CCDC171: variants seen among roughly 807,000 people sequenced by gnomAD.
The protein encoded by CCDC171 is coiled-coil domain-containing protein 171.
A neutral mutation model predicts 168.2 loss-of-function variants in CCDC171; 177 were observed. The observed-to-expected ratio is 1.05, with a 90% CI of 0.93 to 1.19. The LOEUF (loss-of-function observed/expected upper bound fraction) is 1.19. Among genes scored for constraint, CCDC171 ranks in the 50% most tolerant of loss-of-function variants. CCDC171 has a pLI of 0.00. For synonymous variants in CCDC171, 687 were observed against 540.8 expected (o/e 1.27, Z -3.75); for missense variants, 1,991 against 1,539.0 (o/e 1.29, Z -4.91).
intron 3 of CCDC171, among the ~76,000 whole-genome samples, chr9:15,574,406 GTAC>G (rs1036968976): frequency 1.3e-5 from 2 of 152,026 alleles, no homozygotes; most frequent in Middle Eastern, 3.2e-3. Flanking sequence ...GCCTCCCAAA[GTAC>G]TGGGATTATA....
chr9:15,688,746 T>G (rs968497962), intron 10 of CCDC171, among the ~76,000 whole-genome samples: 1 of 152,170 alleles, frequency 6.6e-6, no homozygotes, highest in Non-Finnish European at 1.5e-5. Context: ...CATCTGACAT[T>G]ACATTTAATG....
intron 7 of CCDC171, among the ~76,000 whole-genome samples, chr9:15,649,439 G>A (rs977641541): frequency 7.9e-5 from 12 of 152,036 alleles, no homozygotes; most frequent in African/African-American, 2.2e-4. Flanking sequence ...AGCAAAAGAA[G>A]CTACCATCAG....
intron 6 of CCDC171, among the ~76,000 whole-genome samples, chr9:15,621,920 T>C (rs993573898): frequency 5.9e-5 from 9 of 152,350 alleles, no homozygotes; most frequent in Admixed American, 5.2e-4. Context: ...GAAAATGTGA[T>C]ATATATACAT....
chr9:15,864,130 CT>C (rs2061671233), intron 23 of CCDC171, among the ~76,000 whole-genome samples: 1 of 151,884 alleles, frequency 6.6e-6, no homozygotes, highest in South Asian at 2.1e-4. Context: ...TTCTCGAGTT[CT>C]GAAAAAAGCT....
In CCDC171 at chr9:15,615,144, G is replaced by A. The variant is rs567954076; in HGVS notation, c.676-8123G>A. On this transcript the variant is annotated intron_variant, in intron 6 of 25. Coordinates refer to ENST00000380701, the MANE Select transcript of CCDC171 (RefSeq NM_173550.4). ...TATACAAAATATTAGCTAACCAAAT[G>A]TAGCAAGATTTTAAAAAGATAAAAT... Among the ~76,000 whole-genome samples the A allele has an allele frequency of 1.4e-3, 206 of 152,178 alleles. 2 individuals are homozygous for A. The highest frequency in any genetic ancestry group is 2.3e-3 in the Non-Finnish European group (157 of 67,970).
intron 21 of CCDC171, among the ~76,000 whole-genome samples, chr9:15,798,422 CT>C (rs1297396679): frequency 1.3e-5 from 2 of 151,358 alleles, no homozygotes; most frequent in African/African-American, 2.4e-5. Context: ...TTATTATTTC[CT>C]TTTTTTTAGT....
chr9:15,635,097 G>T (rs556999178), intron 7 of CCDC171, among the ~76,000 whole-genome samples: 15 of 152,200 alleles, frequency 9.9e-5, no homozygotes, highest in African/African-American at 3.4e-4. Context: ...AGAACTAATA[G>T]TATATATGTA....
chr9:15,822,662 G>A (rs200917786), intron 21 of CCDC171, among the ~76,000 whole-genome samples: 31 of 152,160 alleles, frequency 2.0e-4, no homozygotes, highest in African/African-American at 3.9e-4. Context: ...TTAGAATGGC[G>A]ATCATTAAAA....
intron 18 of CCDC171, among the ~76,000 whole-genome samples, chr9:15,748,919 A>C (rs2055500564): frequency 6.6e-6 from 1 of 152,210 alleles, no homozygotes; most frequent in Non-Finnish European, 1.5e-5. Context: ...TAACGGGCAA[A>C]ATAACCAGCT....
intron 6 of CCDC171, among the ~76,000 whole-genome samples, chr9:15,613,735 G>T (rs1265666862): frequency 6.6e-6 from 1 of 151,992 alleles, no homozygotes; most frequent in African/African-American, 2.4e-5. Flanking sequence ...ATGTTGGCCA[G>T]GCTGGTCTTG....
intron 22 of CCDC171, among the ~76,000 whole-genome samples, chr9:15,847,416 T>C (rs1378458615): frequency 6.6e-6 from 1 of 152,120 alleles, no homozygotes; most frequent in Non-Finnish European, 1.5e-5. Context: ...GACCACTATG[T>C]AAATGTGATG....
chr9:15,860,303 A>G (rs1255897247), intron 23 of CCDC171, among the ~76,000 whole-genome samples: 1 of 150,768 alleles, frequency 6.6e-6, no homozygotes, highest in Non-Finnish European at 1.5e-5. Flanking sequence ...TCCTTCTGCT[A>G]ATTTTGGGTT....
chr9:16,043,603 T>C lies in CCDC171; in HGVS notation n.89+717T>C, dbSNP rs1055446519. On this transcript the variant is annotated intron_variant and non_coding_transcript_variant, in intron 1 of 1. Coordinates refer to the CCDC171 transcript ENST00000478913. ...GGCTCAGCACCAAAAGGGCCACATT[T>C]ACCTGTGCCACTTCAAAGACCAAAG... 2.0e-5 allele frequency among the ~76,000 whole-genome samples: 3 copies of C among 152,200 alleles called. No homozygotes were observed. The South Asian group carries it at 6.2e-4, about 32-fold the overall frequency.
chr9:15,655,851 A>G (rs1587772045), intron 7 of CCDC171, among the ~76,000 whole-genome samples: 1 of 152,220 alleles, frequency 6.6e-6, no homozygotes, highest in Non-Finnish European at 1.5e-5. Flanking sequence ...ATTAAAACTA[A>G]AATGAGATAA....
At chr9:15,819,242 C>T (rs2059674147) in intron 21 of CCDC171, among the ~76,000 whole-genome samples, 1 of 117,730 alleles carries the variant, frequency 8.5e-6, no homozygotes, top group South Asian at 2.8e-4. Flanking sequence ...CCAAAACATG[C>T]CAAATTGTAA....
At chr9:15,794,109 T>C (rs1386299048) in intron 21 of CCDC171, among the ~76,000 whole-genome samples, 1 of 152,120 alleles carries the variant, frequency 6.6e-6, no homozygotes. Flanking sequence ...AAGTTTGATA[T>C]AGGTTTTTAT....
At chr9:15,771,554 A>G (rs2057012842) in intron 18 of CCDC171, among the ~76,000 whole-genome samples, 2 of 138,664 alleles carry the variant, frequency 1.4e-5, no homozygotes, top group African/African-American at 2.4e-5. Context: ...CTCCTTGTGT[A>G]TCATGTATAT....
chr9:15,652,309 G>C (rs1329996431), intron 7 of CCDC171, among the ~76,000 whole-genome samples: 3 of 152,144 alleles, frequency 2.0e-5, no homozygotes, highest in Admixed American at 6.5e-5. Flanking sequence ...TTTCCATTGA[G>C]TGGTGATGGC....
chr9:15,673,784 G>T (rs536953635), intron 9 of CCDC171, among the ~76,000 whole-genome samples: 23 of 152,134 alleles, frequency 1.5e-4, no homozygotes, highest in African/African-American at 4.6e-4. Flanking sequence ...ATCGATGTTC[G>T]TCAGTGATAT....
Sources: allele counts gnomAD v4.1 joint callset (sites outside exome capture counted in the v4.1 genomes callset), GRCh38; gene constraint gnomAD v4.1.1; transcripts MANE v1.5; gene names NCBI Gene and HGNC (gene_info 2026-07-23, HGNC 2026-07-21).